Variants in MGAT4C observed in about 807,000 individuals in gnomAD.
MGAT4C encodes MGAT4 family member C, also known as alpha-1,3-mannosyl-glycoprotein 4-beta-N-acetylglucosaminyltransferase C.
In MGAT4C, 19 loss-of-function variants were observed where a neutral mutation model predicts 40.1. The observed-to-expected ratio is 0.47, with a 90% CI of 0.33 to 0.70. The LOEUF (loss-of-function observed/expected upper bound fraction) is 0.70. Among genes scored for constraint, MGAT4C ranks in the 30% least tolerant of loss-of-function variants. The pLI is 0.02. For synonymous variants in MGAT4C, 181 were observed against 187.1 expected, an observed-to-expected ratio of 0.97 and a Z score of 0.27; for missense variants, 491 against 563.2, an observed-to-expected ratio of 0.87 and a Z score of 1.30.
rs188317073 is a variant in MGAT4C, at chr12:86,595,221, A to G, written c.-229+131988T>C. On this transcript the variant is annotated intron_variant, in intron 2 of 7. Transcript: ENST00000548651. Reference sequence around the variant, plus strand: ...AAGTAGCAAGGTTTGGTTCATCCTTAAAAACCTAAATAACCGTTCTTTTAA... The same window carrying G: ...AAGTAGCAAGGTTTGGTTCATCCTTGAAAACCTAAATAACCGTTCTTTTAA... Among the ~76,000 whole-genome samples the G allele has an allele frequency of 4.6e-5, 7 of 152,270 alleles. No individual in the cohort carries two copies. In the East Asian group the frequency reaches 1.4e-3, roughly 29 times the overall value.
At chr12:86,592,527 C>T (rs1961371498) in intron 2 of MGAT4C, among the ~76,000 whole-genome samples, 1 of 152,086 alleles carries the variant, frequency 6.6e-6, no homozygotes, top group Non-Finnish European at 1.5e-5. Flanking sequence ...CTTCCAGAAT[C>T]CACTTCCTAT....
chr12:86,783,807 T>A (rs1951885895), intron 1 of MGAT4C, among the ~76,000 whole-genome samples: 1 of 152,152 alleles, frequency 6.6e-6, no homozygotes, highest in South Asian at 2.1e-4. Context: ...ATAAAGGAAA[T>A]CAATTTAGTC....
intron 1 of MGAT4C, among the ~76,000 whole-genome samples, chr12:86,194,178 C>A (rs1034671405): frequency 6.6e-6 from 1 of 152,140 alleles, no homozygotes; most frequent in Non-Finnish European, 1.5e-5. Flanking sequence ...TTCATACTAT[C>A]AATGCAAGAA....
intron 1 of MGAT4C, among the ~76,000 whole-genome samples, chr12:86,824,667 G>T (rs1952769094): frequency 6.8e-6 from 1 of 147,600 alleles, no homozygotes. Flanking sequence ...CAACACTGAA[G>T]GTATCTCAGT....
intron 2 of MGAT4C, among the ~76,000 whole-genome samples, chr12:86,460,072 G>A (rs796483806): frequency 2.6e-5 from 4 of 152,090 alleles, no homozygotes; most frequent in South Asian, 2.1e-4. Context: ...ATTTTGAGGC[G>A]TTGGTGTGAT....
In MGAT4C at chr12:86,440,487, TA is replaced by T. The variant is rs1259272505; in HGVS notation, c.-228-5223del. Among the ~76,000 whole-genome samples, 3 of 151,858 alleles carry T rather than the reference TA, an allele frequency of 2.0e-5. No individual in the cohort carries two copies. In the East Asian group the frequency reaches 5.8e-4, roughly 29 times the overall value. ...ATAGAAGGAACATACCTCAAAATAATAAAAAACATGTATGACAAACCCACAG... is the reference window on the plus strand; with the variant it reads ...ATAGAAGGAACATACCTCAAAATAATAAAAACATGTATGACAAACCCACAG... On this transcript the variant is annotated intron_variant, in intron 2 of 7. Coordinates refer to the MGAT4C transcript ENST00000548651.
intron 1 of MGAT4C, among the ~76,000 whole-genome samples, chr12:86,147,313 C>T (rs1039058489): frequency 3.3e-5 from 5 of 152,068 alleles, no homozygotes; most frequent in African/African-American, 1.2e-4. Context: ...GCGATCTCAG[C>T]TCACTGCAAG....
At chr12:86,313,746 C>G (rs1246035571) in intron 4 of MGAT4C, among the ~76,000 whole-genome samples, 2 of 152,010 alleles carry the variant, frequency 1.3e-5, no homozygotes, top group African/African-American at 4.8e-5. Flanking sequence ...GTCTAATTAC[C>G]AAGATAATTA....
At chr12:86,800,240 C>T (rs1352609524) in intron 1 of MGAT4C, among the ~76,000 whole-genome samples, 2 of 151,824 alleles carry the variant, frequency 1.3e-5, no homozygotes, top group African/African-American at 2.4e-5. Flanking sequence ...ACATATATGG[C>T]TCCAACTCTC....
chr12:86,677,101 G>GA (rs1017415851), intron 2 of MGAT4C, among the ~76,000 whole-genome samples: 13 of 150,524 alleles, frequency 8.6e-5, no homozygotes, highest in South Asian at 4.2e-4. Context: ...TTCTTCTTTA[G>GA]AAAAAAAAAT....
intron 2 of MGAT4C, among the ~76,000 whole-genome samples, chr12:86,590,033 A>T (rs1961256740): frequency 6.6e-6 from 1 of 151,996 alleles, no homozygotes; most frequent in South Asian, 2.1e-4. Context: ...ACTTCGTAGG[A>T]TGCTGATGGA....
intron 1 of MGAT4C, among the ~76,000 whole-genome samples, chr12:86,763,271 C>T (rs1249273284): frequency 1.3e-5 from 2 of 152,166 alleles, no homozygotes; most frequent in Admixed American, 6.5e-5. Context: ...TTCTGCTATT[C>T]CTAATTCATT....
chr12:86,341,240 C>T (rs983596025), intron 3 of MGAT4C, among the ~76,000 whole-genome samples: 2 of 152,090 alleles, frequency 1.3e-5, no homozygotes, highest in Non-Finnish European at 2.9e-5. Context: ...ATGAGCCACC[C>T]CAGGAAACTA....
chr12:86,082,407 T>C (rs972497063), intron 1 of MGAT4C, among the ~76,000 whole-genome samples: 1 of 152,186 alleles, frequency 6.6e-6, no homozygotes, highest in Admixed American at 6.6e-5. Flanking sequence ...AGGTAAAGGT[T>C]TATACTGAAA....
chr12:86,813,492 C>T (rs1023599389), intron 1 of MGAT4C, among the ~76,000 whole-genome samples: 2 of 143,408 alleles, frequency 1.4e-5, no homozygotes, highest in African/African-American at 5.1e-5. Context: ...TTTTCAAACA[C>T]ATTTTTTTCA....
intron 2 of MGAT4C, among the ~76,000 whole-genome samples, chr12:86,595,923 G>T (rs1961520071): frequency 1.3e-5 from 2 of 151,428 alleles, no homozygotes; most frequent in African/African-American, 4.8e-5. Context: ...CAGTCTAACA[G>T]TTACATATAC....
intron 2 of MGAT4C, among the ~76,000 whole-genome samples, chr12:86,668,669 A>G (rs1274056280): frequency 6.6e-6 from 1 of 152,210 alleles, no homozygotes; most frequent in African/African-American, 2.4e-5. Context: ...GGAGCAGGAT[A>G]GGGGCCTCCA....
chr12:86,231,003 C>T (rs1325117273), intron 1 of MGAT4C, among the ~76,000 whole-genome samples: 1 of 151,904 alleles, frequency 6.6e-6, no homozygotes, highest in African/African-American at 2.4e-5. Flanking sequence ...TAATGGATGC[C>T]TACTATAGTT....
In MGAT4C at chr12:86,679,918, A is replaced by G. The variant is rs74368286; in HGVS notation, c.-229+47291T>C. Reference sequence around the variant, plus strand: ...GCCATATAAAGAGAAGTCAGTACCTATTCTCTAGGATGGTCTTTGGCAATT... The same window carrying G: ...GCCATATAAAGAGAAGTCAGTACCTGTTCTCTAGGATGGTCTTTGGCAATT... On this transcript the variant is annotated intron_variant, in intron 2 of 7. Transcript: ENST00000548651. 1.1e-4 allele frequency among the ~76,000 whole-genome samples: 17 copies of G among 152,160 alleles called. No homozygotes were observed. The East Asian group carries it at 3.3e-3, about 29-fold the overall frequency.
Sources: gnomAD v4.1 joint callset for allele counts (sites outside exome capture counted in the v4.1 genomes callset) on GRCh38, gnomAD v4.1.1 for gene constraint, MANE v1.5 for transcripts, NCBI Gene and HGNC (gene_info 2026-07-23, HGNC 2026-07-21) for gene names.